Variants in C1orf21 observed in about 807,000 individuals in gnomAD.
C1orf21 encodes uncharacterized protein C1orf21.
In C1orf21, 3 loss-of-function variants were observed where a neutral mutation model predicts 18.7. The ratio of observed to expected loss-of-function variants is 0.16; its 90% CI spans 0.07 to 0.42. The LOEUF is 0.42. Among genes scored for constraint, C1orf21 ranks in the 10% least tolerant of loss-of-function variants. The pLI, the probability that C1orf21 is intolerant of heterozygous loss-of-function variation, is 0.99. For missense variants in C1orf21, 104 were observed against 143.6 expected, an observed-to-expected ratio of 0.72 and a Z score of 1.41; for synonymous variants, 41 against 46.4, an observed-to-expected ratio of 0.88 and a Z score of 0.47.
intron 1 of C1orf21, among the ~76,000 whole-genome samples, chr1:184,413,438 C>T (rs1453337586): frequency 6.6e-6 from 1 of 152,146 alleles, no homozygotes; most frequent in Non-Finnish European, 1.5e-5. Flanking sequence ...GCGTAGATGT[C>T]ATGTATTAAC....
At chr1:184,526,616 C>T (rs994338657) in intron 3 of C1orf21, among the ~76,000 whole-genome samples, 1 of 152,056 alleles carries the variant, frequency 6.6e-6, no homozygotes, top group Admixed American at 6.6e-5. Context: ...CAACTAACTC[C>T]AAGTATATCT....
At chr1:184,566,388 C>T (rs1350467193) in intron 3 of C1orf21, 1 of 155,698 alleles carries the variant, frequency 6.4e-6, no homozygotes, top group Non-Finnish European at 1.4e-5. Flanking sequence ...AATTCAGAGC[C>T]TAAAGAAGAG....
At chr1:184,493,174 T>C (rs547809093) in intron 2 of C1orf21, among the ~76,000 whole-genome samples, 1 of 152,302 alleles carries the variant, frequency 6.6e-6, no homozygotes, top group African/African-American at 2.4e-5. Flanking sequence ...TTTTTAAAGG[T>C]TACATAATTA....
chr1:184,571,905 C>T (rs1282239408), intron 3 of C1orf21, among the ~76,000 whole-genome samples: 1 of 150,086 alleles, frequency 6.7e-6, no homozygotes, highest in Non-Finnish European at 1.5e-5. Flanking sequence ...TGATGTTCTT[C>T]TTAATGTTCT....
intron 1 of C1orf21, among the ~76,000 whole-genome samples, chr1:184,409,695 G>A (rs562131049): frequency 1.3e-4 from 20 of 152,164 alleles, no homozygotes; most frequent in South Asian, 6.2e-4. Context: ...GGACAAATAC[G>A]CACCAAATAG....
At chr1:184,590,465 T>G (rs933732745) in intron 3 of C1orf21, among the ~76,000 whole-genome samples, 12 of 152,264 alleles carry the variant, frequency 7.9e-5, no homozygotes, top group African/African-American at 2.9e-4. Context: ...TCATTACTAT[T>G]AGTGTTAAAG....
At chr1:184,598,329 G>T (rs10465489) in intron 4 of C1orf21, 72 bp from the exon 5 acceptor site, 427,254 of 1,422,480 alleles carry the variant, frequency 0.3, 71,886 homozygotes, top group African/African-American at 0.72. Flanking sequence ...TGGGGACTCT[G>T]CATTTTTCCT....
At chr1:184,593,610 A>C (rs765384947) in intron 4 of C1orf21, among the ~76,000 whole-genome samples, 2 of 147,804 alleles carry the variant, frequency 1.4e-5, no homozygotes, top group Non-Finnish European at 3.0e-5. Flanking sequence ...GTTTTCTCAG[A>C]GAGAGATTGA....
intron 5 of C1orf21, among the ~76,000 whole-genome samples, chr1:184,610,698 T>C (rs1359058842): frequency 6.6e-6 from 1 of 151,534 alleles, no homozygotes; most frequent in Admixed American, 6.6e-5. Context: ...TACAAAAAAA[T>C]TTAGATGGGC....
chr1:184,538,098 T>A (rs1258010279), intron 3 of C1orf21, among the ~76,000 whole-genome samples: 1 of 145,640 alleles, frequency 6.9e-6, no homozygotes, highest in Non-Finnish European at 1.5e-5. Flanking sequence ...ACAAGAATTC[T>A]AGTTACTCTG....
At chr1:184,395,134 G>T (rs1399063371) in intron 1 of C1orf21, among the ~76,000 whole-genome samples, 1 of 152,024 alleles carries the variant, frequency 6.6e-6, no homozygotes, top group African/African-American at 2.4e-5. Flanking sequence ...TCCATGAACT[G>T]CTGTAATACT....
intron 2 of C1orf21, 82 bp from the exon 3 acceptor site, chr1:184,507,506 A>T: frequency 1.7e-6 from 2 of 1,182,078 alleles, no homozygotes; most frequent in Non-Finnish European, 2.4e-6. Flanking sequence ...CTAGCAAATT[A>T]CACTATTGGG....
At chr1:184,567,204 T>G (rs1424114228) in intron 3 of C1orf21, 1 of 469,696 alleles carries the variant, frequency 2.1e-6, no homozygotes, top group African/African-American at 2.0e-5. Context: ...AGGCACACAA[T>G]GGCTGTCATC....
chr1:184,470,694 C>G (rs556647379), intron 1 of C1orf21, among the ~76,000 whole-genome samples: 7 of 152,112 alleles, frequency 4.6e-5, no homozygotes, highest in Non-Finnish European at 8.8e-5. Flanking sequence ...GCCTGGCCAA[C>G]GTGGCGAAAT....
intron 1 of C1orf21, among the ~76,000 whole-genome samples, chr1:184,454,052 C>G (rs1364399819): frequency 1.3e-5 from 2 of 152,010 alleles, no homozygotes; most frequent in Non-Finnish European, 2.9e-5. Context: ...GGCATCAGAT[C>G]CATGAGGAAA....
At chr1:184,495,791 G>A (rs1361736956) in intron 2 of C1orf21, among the ~76,000 whole-genome samples, 1 of 151,818 alleles carries the variant, frequency 6.6e-6, no homozygotes, top group African/African-American at 2.4e-5. Flanking sequence ...ATGGTGGCAG[G>A]TGACGTAATC....
At chr1:184,596,069 T>TC (rs1268921778) in intron 4 of C1orf21, among the ~76,000 whole-genome samples, 1 of 152,218 alleles carries the variant, frequency 6.6e-6, no homozygotes, top group African/African-American at 2.4e-5. Flanking sequence ...GACCCTGTGA[T>TC]AAGTGCATTC....
intron 3 of C1orf21, among the ~76,000 whole-genome samples, chr1:184,566,109 C>A (rs1457905364): frequency 6.6e-6 from 1 of 152,012 alleles, no homozygotes; most frequent in Non-Finnish European, 1.5e-5. Flanking sequence ...AAAAGAAGAT[C>A]CCCCAGCAAA....
At chr1:184,508,467 C>T (rs748566885) in intron 3 of C1orf21, among the ~76,000 whole-genome samples, 2 of 151,834 alleles carry the variant, frequency 1.3e-5, no homozygotes, top group Non-Finnish European at 2.9e-5. Flanking sequence ...TTTTAAGAAG[C>T]TCTCAATGTC....
Sources: gnomAD v4.1 joint callset for allele counts (sites outside exome capture counted in the v4.1 genomes callset) on GRCh38, gnomAD v4.1.1 for gene constraint, MANE v1.5 for transcripts, NCBI Gene and HGNC (gene_info 2026-07-23, HGNC 2026-07-21) for gene names.